GATA6: variants seen among roughly 807,000 people sequenced by gnomAD.
GATA6 encodes GATA binding protein 6.
A neutral mutation model predicts 48.1 loss-of-function variants in GATA6; 11 were observed. The ratio of observed to expected loss-of-function variants is 0.23; its 90% CI spans 0.14 to 0.38. The LOEUF (loss-of-function observed/expected upper bound fraction) is 0.38. Among genes scored for constraint, GATA6 ranks in the 10% least tolerant of loss-of-function variants. The pLI, the probability that GATA6 is intolerant of heterozygous loss-of-function variation, is 1.00. For missense variants in GATA6, 795 were observed against 850.3 expected, an observed-to-expected ratio of 0.93 and a Z score of 0.81; for synonymous variants, 419 against 396.1, an observed-to-expected ratio of 1.06 and a Z score of -0.69.
chr18:22,184,690 G>A (rs1273067255), intron 6 of GATA6, among the ~76,000 whole-genome samples: 1 of 151,554 alleles, frequency 6.6e-6, no homozygotes, highest in Non-Finnish European at 1.5e-5. Context: ...GTAGAGACGG[G>A]GTTTCACCAT....
chr18:22,183,341 A>G (rs2143304987), intron 6 of GATA6, among the ~76,000 whole-genome samples: 1 of 152,286 alleles, frequency 6.6e-6, no homozygotes, highest in Middle Eastern at 3.4e-3. Flanking sequence ...CCAGGTTTTT[A>G]TCAGAGTTGC....
intron 2 of GATA6, among the ~76,000 whole-genome samples, chr18:22,173,787 G>A (rs2033086684): frequency 6.6e-6 from 1 of 152,156 alleles, no homozygotes; most frequent in Non-Finnish European, 1.5e-5. Context: ...GATTACAGGC[G>A]CGCGCCGCCA....
At chr18:22,196,111 C>G (rs1319370490) in intron 6 of GATA6, among the ~76,000 whole-genome samples, 1 of 152,156 alleles carries the variant, frequency 6.6e-6, no homozygotes, top group Non-Finnish European at 1.5e-5. Context: ...TAACATCAGC[C>G]TTTCTTTGCA....
At chr18:22,189,077 G>T (rs1220777523) in intron 6 of GATA6, among the ~76,000 whole-genome samples, 1 of 152,132 alleles carries the variant, frequency 6.6e-6, no homozygotes. Flanking sequence ...CCACTCTTTT[G>T]GTCTGTTTCT....
intron 6 of GATA6, among the ~76,000 whole-genome samples, chr18:22,189,541 G>C (rs559450833): frequency 6.6e-6 from 1 of 152,084 alleles, no homozygotes; most frequent in Non-Finnish European, 1.5e-5. Context: ...TCCTGTGAAA[G>C]AGCTGAAAGG....
intron 2 of GATA6, among the ~76,000 whole-genome samples, chr18:22,174,173 C>G (rs986423478): frequency 6.6e-6 from 1 of 152,126 alleles, no homozygotes; most frequent in Admixed American, 6.5e-5. Flanking sequence ...TTTTGTCAGT[C>G]GGGGAGTTCC....
intron 2 of GATA6, among the ~76,000 whole-genome samples, chr18:22,175,264 T>C (rs2033106877): frequency 6.6e-6 from 1 of 152,186 alleles, no homozygotes; most frequent in Non-Finnish European, 1.5e-5. Context: ...CTAGGTTGTA[T>C]TTATCCAAAG....
chr18:22,183,431 A>C (rs1345126946), intron 6 of GATA6, among the ~76,000 whole-genome samples: 7 of 152,250 alleles, frequency 4.6e-5, no homozygotes, highest in Admixed American at 1.3e-4. Flanking sequence ...CATAGATTAC[A>C]GTGCCCATAA....
chr18:22,176,723 G>C (rs956609338), intron 2 of GATA6: 8 of 494,480 alleles, frequency 1.6e-5, no homozygotes, highest in Middle Eastern at 5.3e-4. Flanking sequence ...CTTTCCCGGA[G>C]TCTCTACTGG....
At position 22,170,472 on chromosome 18, in the gene GATA6, T is replaced by G. The variant is rs1053123172; in HGVS notation, c.-37-636T>G. ...CTGCCCCCGCCCTGGCGTCCCACTT[T>G]CCCTGGGCCGAGTTGCATTTCTCTC... On this transcript the variant is annotated intron_variant, in intron 1 of 6. Transcript: ENST00000269216. This position sits in a 1 kb window ranked among gnomAD's most constrained non-coding sequence, Gnocchi z 6.7. Among the ~76,000 whole-genome samples, 1 of 152,162 alleles carries G rather than the reference T, an allele frequency of 6.6e-6. No homozygotes were observed. The highest frequency in any genetic ancestry group is 2.1e-4 in the South Asian group (1 of 4,822).
Position 22,200,673 on chromosome 18 carries a change from G to T in GATA6, c.1638G>T (p.Met546Ile), listed in dbSNP as rs779755310. 6 of 1,614,124 alleles carry T rather than the reference G, an allele frequency of 3.7e-6. No individual in the cohort carries two copies. The East Asian group carries it at 1.3e-4, about 36-fold the overall frequency. ...TCTGCCAGGCGGGTGCCCCGGTGATGACTGGTGCGGGAGAGAGCACCAATC... is the reference window on the plus strand; with the variant it reads ...TCTGCCAGGCGGGTGCCCCGGTGATTACTGGTGCGGGAGAGAGCACCAATC... ...PTASGAGAPV[M>I]TGAGESTNPE... The change falls in exon 7 of 7, where the codon ATG becomes ATT. Residue 546 changes from methionine to isoleucine, a missense_variant. Physicochemically the swap from Met to Ile is conservative, Grantham distance 10. This residue lies in a region of GATA6 where 103 missense variants were observed against 103.7 expected (regional missense o/e 0.99). Coordinates refer to ENST00000269216, the MANE Select transcript of GATA6 (RefSeq NM_005257.6).
chr18:22,186,524 C>T (rs181297797), intron 6 of GATA6, among the ~76,000 whole-genome samples: 125 of 152,298 alleles, frequency 8.2e-4, no homozygotes, highest in Admixed American at 9.2e-4. Flanking sequence ...TTCTGACCTG[C>T]CTTTCACGTG....
Position 22,171,079 on chromosome 18 carries a change from C to A in GATA6, c.-37-29C>A, listed in dbSNP as rs901751964. The A allele has an allele frequency of 2.5e-5, 35 of 1,422,226 alleles. No homozygotes were observed. Among genetic ancestry groups the A allele is most frequent in the Non-Finnish European group, 3.2e-5 (33 of 1,026,050 alleles). The allele number at this position is 1,422,226 out of a possible 1,614,324, so 88.1% of individuals were successfully genotyped here. On this transcript the variant is annotated intron_variant, in intron 1 of 6. Coordinates refer to ENST00000269216, the MANE Select transcript of GATA6 (RefSeq NM_005257.6). The surrounding 1 kb of genome is among the most constrained non-coding windows in gnomAD (Gnocchi z 7.1). ...CTCTTGTTAACCCGTCGATCTCCTA[C>A]CATACCCGTCTCCCCCACCCCACCT... is the stretch of plus-strand genomic sequence containing the variant.
intron 6 of GATA6, among the ~76,000 whole-genome samples, chr18:22,184,545 T>G (rs1422859275): frequency 6.6e-6 from 1 of 151,900 alleles, no homozygotes; most frequent in Non-Finnish European, 1.5e-5. Flanking sequence ...GAGGCTGGAG[T>G]GTGCAGTGGC....
intron 6 of GATA6, among the ~76,000 whole-genome samples, chr18:22,184,164 T>C (rs1341185253): frequency 6.6e-6 from 1 of 152,218 alleles, no homozygotes; most frequent in Non-Finnish European, 1.5e-5. Context: ...TTCCACTGTA[T>C]TTTTACTGGC....
chr18:22,171,993 G>A lies in GATA6; in HGVS notation c.849G>A (p.Ala283=), dbSNP rs1000153828. ...CCGCGCGGGAGCCGGGAGGCTACGC[G>A]GCGGCGGGCAGTGGGGGCGCGGGAG... ...NGAAREPGGY[A]AAGSGGAGGV... Residue 283 remains alanine (A), a synonymous_variant, in exon 2 of 7, where the codon GCG becomes GCA. Transcript: ENST00000269216. This position sits in a 1 kb window ranked among gnomAD's most constrained non-coding sequence, Gnocchi z 7.1. 1.7e-4 allele frequency: 209 copies of A among 1,226,912 alleles called. No homozygotes were observed. The highest frequency in any genetic ancestry group is 1.2e-3 in the Admixed American group (29 of 23,276). 76.0% of individuals were successfully genotyped at this position (1,226,912 alleles called of 1,614,324 possible). A position where few individuals can be genotyped will look rare whatever the true frequency, so the allele number is the denominator to read the frequency against.
chr18:22,181,948 C>T (rs985649644), intron 4 of GATA6, among the ~76,000 whole-genome samples: 2 of 152,016 alleles, frequency 1.3e-5, no homozygotes, highest in African/African-American at 4.8e-5. Flanking sequence ...TTAAGGAAAT[C>T]AATAAAAAAT....
intron 6 of GATA6, 47 bp from the exon 7 acceptor site, chr18:22,200,609 C>T (rs374211749): frequency 1.4e-5 from 22 of 1,611,910 alleles, no homozygotes; most frequent in Non-Finnish European, 1.7e-5. Context: ...GGATTGTAAC[C>T]GCTTCTCACC....
At chr18:22,182,721 A>G (rs1199966560) in intron 4 of GATA6, 36 bp from the exon 5 acceptor site, 4 of 1,422,180 alleles carry the variant, frequency 2.8e-6, no homozygotes, top group Non-Finnish European at 3.9e-6. Flanking sequence ...TCTTCAATAT[A>G]ATATTAAATT....
Sources: gnomAD v4.1 joint callset for allele counts (sites outside exome capture counted in the v4.1 genomes callset) on GRCh38, gnomAD v4.1.1 for gene constraint, gnomAD v4.1.1 regional missense constraint, Gnocchi (gnomAD v3.1) non-coding constraint, MANE v1.5 for transcripts, NCBI Gene and HGNC (gene_info 2026-07-23, HGNC 2026-07-21) for gene names.